The following TRIP12 variants were observed in gnomAD, a reference collection of about 807,000 sequenced individuals.
TRIP12 encodes thyroid hormone receptor interactor 12.
In TRIP12, 25 loss-of-function variants were observed where a neutral mutation model predicts 244.2. The observed-to-expected ratio is 0.10, with a 90% confidence interval of 0.07 to 0.14. TRIP12 has a LOEUF of 0.14. Ranked by LOEUF, TRIP12 falls within the 10% of genes least tolerant of loss-of-function variation. The pLI is 1.00. For missense variants in TRIP12, 1,677 were observed against 2,486.4 expected, an observed-to-expected ratio of 0.67 and a Z score of 6.92; for synonymous variants, 905 against 873.1, an observed-to-expected ratio of 1.04 and a Z score of -0.64.
Position 229,813,897 on chromosome 2 carries a change from T to C in TRIP12, c.1959A>G (p.Pro653=), listed in dbSNP as rs2047880143. 1.3e-6 allele frequency: 2 copies of C among 1,572,080 alleles called. No individual in the cohort carries two copies. The highest frequency in any genetic ancestry group is 8.7e-7 in the Non-Finnish European group (1 of 1,149,962). The stretch of plus-strand genomic sequence containing the variant: ...GATGTGTTAGCCTTTGGGTTAGCAA[T>C]GGGAGTGAATCTGCCACAAAATGAA... The part of the protein sequence containing the change: ...DEFHFVADSL[P]LLTQRLTHQD... Residue 653 remains proline (P), a synonymous_variant, in exon 13 of 42, where the codon CCA becomes CCG. Transcript: ENST00000675903.
In TRIP12 at chr2:229,818,346, GA is replaced by G. The variant is rs780182290; in HGVS notation, c.1599+17del. ...GAGGACAAATGAGGTAAAAACGAGG[GA>G]AAAACATTATGCTTACCAAAGCTGG... is the stretch of plus-strand genomic sequence containing the variant. On this transcript the variant is annotated intron_variant, in intron 9 of 41. Coordinates refer to ENST00000675903, the MANE Select transcript of TRIP12 (RefSeq NM_001348323.3). 6 of 1,611,582 alleles carry G rather than the reference GA, an allele frequency of 3.7e-6. No individual in the cohort carries two copies. The highest frequency in any genetic ancestry group is 4.2e-6 in the Non-Finnish European group (5 of 1,179,010).
intron 17 of TRIP12, 121 bp from the exon 18 acceptor site, chr2:229,806,004 G>A: frequency 2.8e-6 from 2 of 725,318 alleles, no homozygotes; most frequent in East Asian, 2.7e-5. Context: ...TTTAGATGGT[G>A]AAGTTAACAG....
At chr2:229,866,890 T>C (rs903717006) in intron 2 of TRIP12, among the ~76,000 whole-genome samples, 1 of 152,066 alleles carries the variant, frequency 6.6e-6, no homozygotes, top group African/African-American at 2.4e-5. Flanking sequence ...AAAAGCAGAA[T>C]ACAGGCAAAG....
Position 229,796,729 on chromosome 2 carries a change from T to C in TRIP12, c.3678A>G (p.Ser1226=), listed in dbSNP as rs1046195643. The change falls in exon 25 of 42, where the codon TCA becomes TCG. Residue 1226 remains serine, a synonymous_variant. Transcript: ENST00000675903. The part of the protein sequence containing the change: ...LVEIRSIVSE[S]DVSSFEIQHS... ...GTTGGATTTCAAATGATGAAACATCTGACTCTGAGACTATGCTACGGATTT... is the reference window on the plus strand; with the variant it reads ...GTTGGATTTCAAATGATGAAACATCCGACTCTGAGACTATGCTACGGATTT... 1.2e-6 allele frequency: 2 copies of C among 1,609,828 alleles called. No homozygotes were observed. Among genetic ancestry groups the C allele is most frequent in the Non-Finnish European group, 8.5e-7 (1 of 1,178,936 alleles).
At chr2:229,823,437 G>GC in intron 8 of TRIP12, among the ~76,000 whole-genome samples, 1 of 152,006 alleles carries the variant, frequency 6.6e-6, no homozygotes, top group East Asian at 1.9e-4. Context: ...ATTTTGAGAG[G>GC]CCGAGGTGGG....
chr2:229,891,836 T>C (rs1376456896), intron 1 of TRIP12, among the ~76,000 whole-genome samples: 1 of 152,086 alleles, frequency 6.6e-6, no homozygotes, highest in Non-Finnish European at 1.5e-5. Flanking sequence ...CCTAAAGAAA[T>C]ACTTGCACAA....
At chr2:229,922,620 G>T, upstream of TRIP12, 6 of 1,613,706 alleles carry the variant, frequency 3.7e-6, no homozygotes, top group Non-Finnish European at 5.1e-6. Flanking sequence ...GCAAGTGCGA[G>T]CCGCGGTTTA....
intron 1 of TRIP12, among the ~76,000 whole-genome samples, chr2:229,917,118 C>T (rs1027548933): frequency 2.0e-5 from 3 of 152,084 alleles, no homozygotes; most frequent in East Asian, 3.9e-4. Context: ...CGGTGGCTCA[C>T]GCCTGTAATC....
chr2:229,818,998 A>T (rs2049201060), intron 8 of TRIP12, among the ~76,000 whole-genome samples: 2 of 151,938 alleles, frequency 1.3e-5, no homozygotes, highest in Non-Finnish European at 2.9e-5. Flanking sequence ...CAACGTATCT[A>T]ACAAAAAAGA....
intron 1 of TRIP12, among the ~76,000 whole-genome samples, chr2:229,901,170 G>C (rs1488496106): frequency 6.6e-6 from 1 of 151,222 alleles, no homozygotes; most frequent in Non-Finnish European, 1.5e-5. Flanking sequence ...CTGACCTCAG[G>C]TAATCCGCCT....
chr2:229,828,218 ATT>A (rs776804585), intron 8 of TRIP12, among the ~76,000 whole-genome samples: 2 of 152,152 alleles, frequency 1.3e-5, no homozygotes, highest in Non-Finnish European at 2.9e-5. Context: ...GAGGTGTGGC[ATT>A]GTTTTTGACT....
intron 2 of TRIP12, among the ~76,000 whole-genome samples, chr2:229,870,152 A>AG (rs1208740717): frequency 6.6e-6 from 1 of 152,260 alleles, no homozygotes; most frequent in African/African-American, 2.4e-5. Flanking sequence ...ACGCATGGGA[A>AG]GCCATTCCAC....
At chr2:229,920,402 A>AGACAGC (rs2076274782) in intron 1 of TRIP12, among the ~76,000 whole-genome samples, 1 of 152,126 alleles carries the variant, frequency 6.6e-6, no homozygotes, top group Non-Finnish European at 1.5e-5. Flanking sequence ...CTAGGAAAGG[A>AGACAGC]GACAGCAGGA....
At chr2:229,829,318 A>G (rs1462881777) in intron 7 of TRIP12, 30 bp from the exon 8 acceptor site, 1 of 1,568,494 alleles carries the variant, frequency 6.4e-7, no homozygotes, top group Non-Finnish European at 8.7e-7. Flanking sequence ...AGAGTGAACA[A>G]CTAAGATGAC....
rs57794819 is a variant in TRIP12, at chr2:229,903,018, C to CTTTTTT, written c.-50+18856_-50+18861dup. On this transcript the variant is annotated intron_variant, in intron 1 of 41. Transcript: ENST00000675903. ...GGTTTTTTTTTCTTTTTCTTTTTTTCTTTTTTTTTTTTTTTTTTGCCAGAA... is the reference window on the plus strand; with the variant it reads ...GGTTTTTTTTTCTTTTTCTTTTTTTCTTTTTTTTTTTTTTTTTTTTTTTTGCCAGAA... Among the ~76,000 whole-genome samples the CTTTTTT allele has an allele frequency of 5.9e-3, 612 of 104,512 alleles. 12 individuals are homozygous for CTTTTTT. Among genetic ancestry groups the CTTTTTT allele is most frequent in the Non-Finnish European group, 6.8e-3 (328 of 48,462 alleles). The allele number at this position is 104,512 out of a possible 152,430, so 68.6% of individuals were successfully genotyped here.
intron 5 of TRIP12, 46 bp from the exon 6 acceptor site, chr2:229,837,030 G>A (rs1316936573): frequency 6.8e-7 from 1 of 1,468,182 alleles, no homozygotes; most frequent in Non-Finnish European, 9.0e-7. Flanking sequence ...CAGTGAACCA[G>A]GAGCAATGTA....
chr2:229,788,075 T>C (rs999591019), intron 32 of TRIP12, among the ~76,000 whole-genome samples: 167 of 152,308 alleles, frequency 1.1e-3, no homozygotes, highest in African/African-American at 3.7e-3. Context: ...AGTGCTGGGA[T>C]TATAGATGTG....
intron 34 of TRIP12, among the ~76,000 whole-genome samples, chr2:229,782,090 G>A (rs2038378753): frequency 6.6e-6 from 1 of 152,120 alleles, no homozygotes; most frequent in South Asian, 2.1e-4. Context: ...TGAAGAAAGT[G>A]GAATGTACGT....
chr2:229,768,504 C>T (rs1392765079), intron 41 of TRIP12, 112 bp downstream of exon 41: 1 of 900,478 alleles, frequency 1.1e-6, no homozygotes, highest in East Asian at 2.5e-5. Context: ...ACTGGAATAA[C>T]TAAGAGGCAC....
Sources: allele counts gnomAD v4.1 joint callset (sites outside exome capture counted in the v4.1 genomes callset), GRCh38; gene constraint gnomAD v4.1.1; transcripts MANE v1.5; gene names NCBI Gene and HGNC (gene_info 2026-07-23, HGNC 2026-07-21).